CLN8: variants seen among roughly 807,000 people sequenced by gnomAD.
CLN8 encodes the protein protein CLN8.
A neutral mutation model predicts 15.7 loss-of-function variants in CLN8; 14 were observed. That is an observed-to-expected ratio of 0.89 (90% confidence interval 0.59 to 1.39). The LOEUF (loss-of-function observed/expected upper bound fraction) is 1.39, where lower values mean the gene tolerates loss of function less well. Ranked by LOEUF, CLN8 falls within the 40% of genes most tolerant of loss-of-function variation. The probability of loss-of-function intolerance (pLI) is 0.00; values close to 1 mark genes in which losing one functional copy is unlikely to be tolerated. For missense variants in CLN8, 415 were observed against 364.0 expected (o/e 1.14, Z -1.14); for synonymous variants, 188 against 151.0 (o/e 1.25, Z -1.80).
chr8:1,773,349 T>C (rs1801387786), intron 2 of CLN8, among the ~76,000 whole-genome samples: 1 of 152,150 alleles, frequency 6.6e-6, no homozygotes, highest in Non-Finnish European at 1.5e-5. Flanking sequence ...TGGCAGGCGA[T>C]ACTGGAGACA....
chr8:1,773,325 G>T (rs1199507330), intron 2 of CLN8, among the ~76,000 whole-genome samples: 3 of 152,232 alleles, frequency 2.0e-5, no homozygotes, highest in Admixed American at 6.5e-5. Context: ...GGCCATGGAA[G>T]TAGATGGAGC....
intron 2 of CLN8, among the ~76,000 whole-genome samples, chr8:1,776,453 CATG>C (rs1212937184): frequency 3.4e-5 from 5 of 147,482 alleles, no homozygotes; most frequent in African/African-American, 1.3e-4. Flanking sequence ...AATATACACA[CATG>C]ATGATAGAAG....
chr8:1,763,389 G>GCCGCGCCGCGCCCCGCCCC (rs1800863543), upstream of CLN8: 1 of 31,238 alleles, frequency 3.2e-5, no homozygotes, highest in Non-Finnish European at 6.0e-5. Flanking sequence ...CACAGCGCCC[G>GCCGCGCCGCGCCCCGCCCC]CCGCGCCGCG....
intron 1 of CLN8, among the ~76,000 whole-genome samples, chr8:1,766,390 G>GTTTTTTT (rs5888909): frequency 9.1e-6 from 1 of 109,494 alleles, no homozygotes; most frequent in Non-Finnish European, 1.9e-5. Flanking sequence ...CCAGTTTTTT[G>GTTTTTTT]TTTTTTTTTT....
At chr8:1,753,569 C>CAA (rs71190758), upstream of CLN8, among the ~76,000 whole-genome samples, 3,085 of 102,486 alleles carry the variant, frequency 0.03, 193 homozygotes, top group African/African-American at 0.1. Context: ...GAAACTGTTT[C>CAA]AAAAAAAAAA....
chr8:1,785,165 G>A lies in CLN8; in HGVS notation c.*4598G>A, dbSNP rs577833196. 3 of 162,578 alleles carry A rather than the reference G, an allele frequency of 1.8e-5. No homozygotes were observed. The highest frequency in any genetic ancestry group is 2.7e-5 in the Non-Finnish European group (2 of 73,360). The allele number at this position is 162,578 out of a possible 1,614,324, so 10.1% of individuals were successfully genotyped here. The stretch of plus-strand genomic sequence containing the variant: ...CGCTCTGCCCTCACGCCGCTGAACC[G>A]CGAGGGTCTCCCGCTCCTCAGGCTT... On this transcript the variant is annotated 3_prime_UTR_variant, in exon 3 of 3. Coordinates refer to ENST00000331222, the MANE Select transcript of CLN8 (RefSeq NM_018941.4).
chr8:1,754,661 A>G (rs76624940), upstream of CLN8, among the ~76,000 whole-genome samples: 870 of 152,324 alleles, frequency 5.7e-3, 12 homozygotes, highest in African/African-American at 0.019. Context: ...TCCTCAGACA[A>G]CTACTCATAG....
At chr8:1,770,323 G>A (rs1207001626) in intron 1 of CLN8, among the ~76,000 whole-genome samples, 2 of 152,170 alleles carry the variant, frequency 1.3e-5, no homozygotes, top group East Asian at 3.9e-4. Context: ...GGACTGGAAG[G>A]TTATAGCATG....
At chr8:1,778,214 C>G (rs565350044) in intron 2 of CLN8, among the ~76,000 whole-genome samples, 1 of 152,200 alleles carries the variant, frequency 6.6e-6, no homozygotes, top group Non-Finnish European at 1.5e-5. Flanking sequence ...CCCAGGCAAA[C>G]CAGGATCTGC....
chr8:1,776,573 G>A (rs138923379), intron 2 of CLN8, among the ~76,000 whole-genome samples: 42 of 152,350 alleles, frequency 2.8e-4, no homozygotes, highest in African/African-American at 4.3e-4. Context: ...TGTGAGGGGC[G>A]CACGTTTGTG....
In CLN8 at chr8:1,785,826, G is replaced by C. The variant is rs955036799; in HGVS notation, c.*5259G>C. 6.0e-6 allele frequency: 1 copy of C among 165,576 alleles called. No homozygotes were observed. The highest frequency in any genetic ancestry group is 2.4e-5 in the African/African-American group (1 of 41,694). The allele number at this position is 165,576 out of a possible 1,614,324, so 10.3% of individuals were successfully genotyped here. A position where few individuals can be genotyped will look rare whatever the true frequency, so the allele number is the denominator to read the frequency against. ...CTAAACCCCTGCTGTGGCTTCGGCA[G>C]TAAAGACAGGACGCACCCATGTCAC... On this transcript the variant is annotated 3_prime_UTR_variant, in exon 3 of 3. Transcript: ENST00000331222.
intron 1 of CLN8, chr8:1,758,313 C>A (rs929261259): frequency 5.3e-4 from 44 of 83,550 alleles, no homozygotes; most frequent in African/African-American, 1.5e-3. Flanking sequence ...AACGGTAAGA[C>A]AGACTTGTCA....
At position 1,785,178 on chromosome 8, in the gene CLN8, GCTC is replaced by G. The variant is rs1387876196; in HGVS notation, c.*4615_*4617del. The G allele has an allele frequency of 6.1e-6, 1 of 162,980 alleles. No homozygotes were observed. The allele number at this position is 162,980 out of a possible 1,614,324, so 10.1% of individuals were successfully genotyped here. ...CGCCGCTGAACCGCGAGGGTCTCCC[GCTC>G]CTCAGGCTTGCGGCTCGGCCGCGAA... On this transcript the variant is annotated 3_prime_UTR_variant, in exon 3 of 3. Transcript: ENST00000331222.
Position 1,780,933 on chromosome 8 carries a change from G to A in CLN8, c.*366G>A, listed in dbSNP as rs540399065. On this transcript the variant is annotated 3_prime_UTR_variant, in exon 3 of 3. Coordinates refer to ENST00000331222, the MANE Select transcript of CLN8 (RefSeq NM_018941.4). ...CCTCCCACAGGGCGGGTGGGTCAGC[G>A]TTGACTCTTTCCAGCTGCACACTCA... 2.1e-5 allele frequency: 7 copies of A among 331,660 alleles called. No individual in the cohort carries two copies. Among genetic ancestry groups the A allele is most frequent in the East Asian group, 6.1e-5 (1 of 16,502 alleles). The allele number at this position is 331,660 out of a possible 1,614,324, so 20.5% of individuals were successfully genotyped here. A position where few individuals can be genotyped will look rare whatever the true frequency, so the allele number is the denominator to read the frequency against.
rs375844751 is a variant in CLN8, at chr8:1,781,820, C to T, written c.*1253C>T. The stretch of plus-strand genomic sequence containing the variant: ...TGCTCGACTGCAGGGTCCTGGGGTC[C>T]CTAGAGTGGTCCTGCAGCAGCCCCT... On this transcript the variant is annotated 3_prime_UTR_variant, in exon 3 of 3. Transcript: ENST00000331222. 2.0e-5 allele frequency: 3 copies of T among 152,152 alleles called. No individual in the cohort carries two copies. The highest frequency in any genetic ancestry group is 1.3e-4 in the Admixed American group (2 of 15,288). The allele number at this position is 152,152 out of a possible 1,614,324, so 9.4% of individuals were successfully genotyped here. A position where few individuals can be genotyped will look rare whatever the true frequency, so the allele number is the denominator to read the frequency against.
At chr8:1,777,399 T>C (rs1801562751) in intron 2 of CLN8, among the ~76,000 whole-genome samples, 1 of 152,174 alleles carries the variant, frequency 6.6e-6, no homozygotes, top group Admixed American at 6.5e-5. Context: ...ATAGACTTTA[T>C]GAACTCTGTG....
rs1027651421 is a variant in CLN8 at position 1,783,628 on chromosome 8, G to T, written c.*3061G>T. 2.0e-5 allele frequency: 3 copies of T among 152,036 alleles called. No homozygotes were observed. The highest frequency in any genetic ancestry group is 4.4e-5 in the Non-Finnish European group (3 of 68,034). The allele number at this position is 152,036 out of a possible 1,614,324, so 9.4% of individuals were successfully genotyped here. ...CTCGCCGCGCTGCGGGGGCTGGGCC[G>T]CACAGGCTTCTGCCCTTCTCGGTGT... On this transcript the variant is annotated 3_prime_UTR_variant, in exon 3 of 3. Transcript: ENST00000331222.
At chr8:1,753,397 C>G (rs549010817), upstream of CLN8, among the ~76,000 whole-genome samples, 3 of 151,906 alleles carry the variant, frequency 2.0e-5, no homozygotes, top group Non-Finnish European at 2.9e-5. Context: ...ACGGTGAAAA[C>G]CCATCTCTAC....
At chr8:1,755,927 T>C (rs1295532921) in exon 1 of CLN8, 2 of 152,178 alleles carry the variant, frequency 1.3e-5, no homozygotes, top group Non-Finnish European at 2.9e-5. Context: ...TGGGTCTCGT[T>C]ATTTCATAAG....
Sources: allele counts gnomAD v4.1 joint callset (sites outside exome capture counted in the v4.1 genomes callset), GRCh38; gene constraint gnomAD v4.1.1; transcripts MANE v1.5; gene names NCBI Gene and HGNC (gene_info 2026-07-23, HGNC 2026-07-21).